The following CATSPERT variants were observed in gnomAD, a reference collection of about 807,000 sequenced individuals.
The protein encoded by CATSPERT is cation channel sperm-associated targeting subunit tau.
the CATSPERT span, chr2:201,535,023 AATT>A: frequency 1.6e-6 from 1 of 607,676 alleles, no homozygotes; most frequent in Non-Finnish European, 2.1e-6. Context: ...CTAGCAGTAG[AATT>A]ATAACTGCTT....
At chr2:201,590,950 G>A in the CATSPERT span, among the ~76,000 whole-genome samples, 36 of 152,172 alleles carry the variant, frequency 2.4e-4, no homozygotes, top group African/African-American at 8.4e-4. Context: ...CACTCTGATG[G>A]TAGTTTCTTT....
At chr2:201,519,485 C>T in the CATSPERT span, among the ~76,000 whole-genome samples, 6 of 151,668 alleles carry the variant, frequency 4.0e-5, no homozygotes, top group South Asian at 4.2e-4. Context: ...CAAAGGAACA[C>T]GATAATTATC....
chr2:201,571,874 CA>C, the CATSPERT span: 1 of 1,452,240 alleles, frequency 6.9e-7, no homozygotes, highest in Non-Finnish European at 9.6e-7. Context: ...AATGCTCCAC[CA>C]AATGGATTAA....
the CATSPERT span, chr2:201,575,435 T>C: frequency 2.9e-6 from 2 of 696,538 alleles, no homozygotes; most frequent in Non-Finnish European, 4.3e-6. Context: ...TGCTGGTCCA[T>C]GGCCCATTAG....
chr2:201,544,821 CAAAA>C, the CATSPERT span, among the ~76,000 whole-genome samples: 3 of 92,612 alleles, frequency 3.2e-5, no homozygotes, highest in Non-Finnish European at 2.2e-5. Flanking sequence ...CCTGTCTCTA[CAAAA>C]AAAAAAAAAA....
At chr2:201,507,373 C>T in the CATSPERT span, among the ~76,000 whole-genome samples, 1 of 152,044 alleles carries the variant, frequency 6.6e-6, no homozygotes, top group South Asian at 2.1e-4. Context: ...CTGAATTTTC[C>T]TGGATGCAAA....
chr2:201,551,330 TCTATTTTAAAGTACTA>T, the CATSPERT span, among the ~76,000 whole-genome samples: 24 of 152,288 alleles, frequency 1.6e-4, 2 homozygotes, highest in African/African-American at 5.8e-4. Flanking sequence ...AAAGTACTAG[TCTATTTTAAAGTACTA>T]CTATTTTAAA....
chr2:201,521,770 A>G, the CATSPERT span, among the ~76,000 whole-genome samples: 3 of 152,234 alleles, frequency 2.0e-5, no homozygotes, highest in African/African-American at 7.2e-5. Flanking sequence ...ATGCTAACAA[A>G]TCAAATCCAT....
chr2:201,591,305 C>T, the CATSPERT span, among the ~76,000 whole-genome samples: 3 of 152,006 alleles, frequency 2.0e-5, no homozygotes, highest in Non-Finnish European at 2.9e-5. Context: ...AGATATGTGG[C>T]GTTATTTCTA....
chr2:201,537,462 C>A, the CATSPERT span: 2 of 1,590,638 alleles, frequency 1.3e-6, no homozygotes, highest in Non-Finnish European at 1.7e-6. Context: ...TCAGCTTCCT[C>A]ATTTACAAGA....
the CATSPERT span, among the ~76,000 whole-genome samples, chr2:201,568,718 C>T: frequency 6.6e-6 from 1 of 152,178 alleles, no homozygotes; most frequent in African/African-American, 2.4e-5. Flanking sequence ...CTAATCTCTG[C>T]AATTCCTCCA....
At chr2:201,492,707 C>A in the CATSPERT span, 1 of 1,535,184 alleles carries the variant, frequency 6.5e-7, no homozygotes, top group Non-Finnish European at 8.7e-7. Context: ...AAATTGTTGA[C>A]AAAAGACATG....
chr2:201,565,891 G>A, the CATSPERT span: 18 of 1,563,072 alleles, frequency 1.2e-5, no homozygotes, highest in Admixed American at 1.7e-4. Context: ...TAATAATAAA[G>A]TGAAATATTG....
the CATSPERT span, chr2:201,582,323 C>A: frequency 9.1e-7 from 1 of 1,096,582 alleles, no homozygotes; most frequent in Non-Finnish European, 1.3e-6. Flanking sequence ...TATTATTATG[C>A]AAATACTATT....
the CATSPERT span, chr2:201,491,209 G>T: frequency 6.5e-7 from 1 of 1,537,114 alleles, no homozygotes; most frequent in African/African-American, 1.4e-5. Flanking sequence ...CAGTGTCCTT[G>T]GAACAGACTT....
chr2:201,492,444 A>G, the CATSPERT span: 2 of 1,532,926 alleles, frequency 1.3e-6, no homozygotes, highest in African/African-American at 1.4e-5. Flanking sequence ...GTAGAGATTT[A>G]CTTAAAGGAT....
the CATSPERT span, among the ~76,000 whole-genome samples, chr2:201,567,651 C>CT: frequency 1.6e-4 from 25 of 152,118 alleles, no homozygotes; most frequent in East Asian, 4.4e-3. Flanking sequence ...CAAAGATAGG[C>CT]GGGAGGAATT....
the CATSPERT span, among the ~76,000 whole-genome samples, chr2:201,559,772 T>C: frequency 1.3e-5 from 2 of 152,164 alleles, no homozygotes; most frequent in African/African-American, 4.8e-5. Flanking sequence ...TGTCATACAA[T>C]ATTCATACAA....
chr2:201,607,452 G>GT, the CATSPERT span, among the ~76,000 whole-genome samples: 1 of 152,166 alleles, frequency 6.6e-6, no homozygotes, highest in Non-Finnish European at 1.5e-5. Context: ...AGGAGTTCGA[G>GT]ACCAGCCTGG....
Sources: allele counts gnomAD v4.1 joint callset (sites outside exome capture counted in the v4.1 genomes callset), GRCh38; gene constraint gnomAD v4.1.1; transcripts MANE v1.5; gene names NCBI Gene and HGNC (gene_info 2026-07-23, HGNC 2026-07-21).